SLC4A10: variants seen among roughly 807,000 people sequenced by gnomAD.
The protein encoded by SLC4A10 is sodium-driven chloride bicarbonate exchanger.
Under a neutral mutation model 137.7 loss-of-function variants are expected in SLC4A10, and 42 were observed. The observed-to-expected ratio is 0.30, with a 90% CI of 0.24 to 0.39. The LOEUF is 0.39. Ranked by LOEUF, SLC4A10 falls within the 10% of genes least tolerant of loss-of-function variation. The pLI is 1.00. For synonymous variants in SLC4A10, 474 were observed against 464.1 expected (o/e 1.02, Z -0.27); for missense variants, 925 against 1,355.0 (o/e 0.68, Z 4.98).
At chr2:161,670,498 T>A (rs2039567938) in intron 1 of SLC4A10, among the ~76,000 whole-genome samples, 1 of 152,078 alleles carries the variant, frequency 6.6e-6, no homozygotes, top group Non-Finnish European at 1.5e-5. Context: ...TTCCTGTATC[T>A]CAGGTTTTGA....
At chr2:161,795,432 G>A (rs943926040) in intron 2 of SLC4A10, among the ~76,000 whole-genome samples, 32 of 152,006 alleles carry the variant, frequency 2.1e-4, no homozygotes, top group Non-Finnish European at 4.1e-4. Flanking sequence ...CATATTTAAT[G>A]TATACAACTC....
At chr2:161,743,391 T>G (rs2048105445) in intron 1 of SLC4A10, among the ~76,000 whole-genome samples, 3 of 152,202 alleles carry the variant, frequency 2.0e-5, no homozygotes, top group Admixed American at 2.0e-4. Flanking sequence ...TTCTCCAATG[T>G]ATGTTCTTGG....
intron 1 of SLC4A10, among the ~76,000 whole-genome samples, chr2:161,655,757 T>A (rs907724597): frequency 2.0e-5 from 3 of 151,930 alleles, no homozygotes; most frequent in Admixed American, 1.3e-4. Flanking sequence ...ATATTGGTGA[T>A]GAAGTACATG....
chr2:161,697,136 C>T (rs1468103801), intron 1 of SLC4A10, among the ~76,000 whole-genome samples: 3 of 151,968 alleles, frequency 2.0e-5, no homozygotes, highest in Admixed American at 6.5e-5. Context: ...ATCCTTCGCC[C>T]ACTTTTTGAT....
intron 2 of SLC4A10, among the ~76,000 whole-genome samples, chr2:161,801,843 A>G (rs528197554): frequency 1.3e-4 from 20 of 152,260 alleles, no homozygotes; most frequent in African/African-American, 4.8e-4. Flanking sequence ...AGTGAAAGAT[A>G]AAGTACTTTT....
chr2:161,801,232 C>T (rs2055331917), intron 2 of SLC4A10, among the ~76,000 whole-genome samples: 1 of 151,980 alleles, frequency 6.6e-6, no homozygotes, highest in African/African-American at 2.4e-5. Flanking sequence ...TTCTTATTCT[C>T]ATTTAACTTT....
At chr2:161,774,229 A>G (rs1032886954) in intron 2 of SLC4A10, among the ~76,000 whole-genome samples, 5 of 151,882 alleles carry the variant, frequency 3.3e-5, no homozygotes, top group Non-Finnish European at 5.9e-5. Flanking sequence ...CTATCTAAGT[A>G]TAAGATTATA....
intron 3 of SLC4A10, among the ~76,000 whole-genome samples, chr2:161,810,227 A>G (rs12989249): frequency 0.065 from 9,953 of 152,046 alleles, 389 homozygotes; most frequent in African/African-American, 0.1. Context: ...TTGTCTCCTG[A>G]AACTTTACTG....
intron 3 of SLC4A10, among the ~76,000 whole-genome samples, chr2:161,811,774 G>T (rs1160521701): frequency 6.6e-6 from 1 of 151,904 alleles, no homozygotes; most frequent in Non-Finnish European, 1.5e-5. Context: ...GGTTAAAACT[G>T]CAAGAAAATA....
intron 26 of SLC4A10, among the ~76,000 whole-genome samples, chr2:161,980,665 A>G (rs534441430): frequency 6.8e-4 from 103 of 152,248 alleles, no homozygotes; most frequent in Non-Finnish European, 1.2e-3. Flanking sequence ...AACAACCACT[A>G]TTTTAGTGAC....
rs1190831857 is a variant in SLC4A10 at position 161,763,412 on chromosome 2, C to T, written c.49-7561C>T. Among the ~76,000 whole-genome samples, 4 of 151,898 alleles carry T rather than the reference C, an allele frequency of 2.6e-5. No homozygotes were observed. In the East Asian group the frequency reaches 7.7e-4, roughly 29 times the overall value. On this transcript the variant is annotated intron_variant, in intron 1 of 26. Coordinates refer to ENST00000446997, the MANE Select transcript of SLC4A10 (RefSeq NM_001178015.2). ...TGATAAAGAAAGTTTAATGAACGGA[C>T]TATTTATAAAGGTGTGGGCATATAA...
intron 10 of SLC4A10, among the ~76,000 whole-genome samples, chr2:161,888,957 C>G (rs2062619974): frequency 6.6e-6 from 1 of 152,044 alleles, no homozygotes; most frequent in Non-Finnish European, 1.5e-5. Flanking sequence ...GAGATATGTT[C>G]CATCAATACC....
At chr2:161,709,659 T>C (rs542759629) in intron 1 of SLC4A10, 1 of 151,686 alleles carries the variant, frequency 6.6e-6, no homozygotes, top group Non-Finnish European at 1.5e-5. Flanking sequence ...ATGCAAATGA[T>C]TTGGATTTCG....
At chr2:161,967,968 T>G in intron 23 of SLC4A10, among the ~76,000 whole-genome samples, 1 of 151,568 alleles carries the variant, frequency 6.6e-6, no homozygotes, top group Admixed American at 6.6e-5. Context: ...TCTTTACTGC[T>G]TCTGGAAAAA....
chr2:161,772,596 C>A (rs1237650460), intron 2 of SLC4A10, among the ~76,000 whole-genome samples: 1 of 151,838 alleles, frequency 6.6e-6, no homozygotes, highest in Non-Finnish European at 1.5e-5. Flanking sequence ...TAGAGCACAA[C>A]TGGATTAGCC....
intron 1 of SLC4A10, among the ~76,000 whole-genome samples, chr2:161,723,357 G>A (rs915611875): frequency 2.0e-5 from 3 of 152,112 alleles, no homozygotes; most frequent in Non-Finnish European, 2.9e-5. Flanking sequence ...CTCGCTCTCC[G>A]TGGGTCACGC....
At chr2:161,769,598 CAA>C (rs2051318064) in intron 1 of SLC4A10, among the ~76,000 whole-genome samples, 2 of 151,920 alleles carry the variant, frequency 1.3e-5, no homozygotes, top group Admixed American at 1.3e-4. Context: ...AGAAGGTTAC[CAA>C]TGATCATGTA....
intron 1 of SLC4A10, chr2:161,710,829 G>T: frequency 2.7e-6 from 1 of 366,988 alleles, no homozygotes; most frequent in Non-Finnish European, 5.5e-6. Context: ...GGATGATACT[G>T]TATGTATTTG....
chr2:161,714,031 A>C (rs2044582804), intron 1 of SLC4A10, among the ~76,000 whole-genome samples: 2 of 151,834 alleles, frequency 1.3e-5, no homozygotes, highest in South Asian at 4.1e-4. Flanking sequence ...GTCAGAAGTA[A>C]AACTCCTGGA....
Sources: gnomAD v4.1 joint callset for allele counts (sites outside exome capture counted in the v4.1 genomes callset) on GRCh38, gnomAD v4.1.1 for gene constraint, MANE v1.5 for transcripts, NCBI Gene and HGNC (gene_info 2026-07-23, HGNC 2026-07-21) for gene names.